The following MEGF11 variants were observed in gnomAD, a reference collection of about 807,000 sequenced individuals.
MEGF11 encodes the protein multiple epidermal growth factor-like domains protein 11.
Under a neutral mutation model 146.6 loss-of-function variants are expected in MEGF11, and 126 were observed. The ratio of observed to expected loss-of-function variants is 0.86; its 90% CI spans 0.74 to 1.00. The LOEUF (loss-of-function observed/expected upper bound fraction) is 1.00, where lower values mean the gene tolerates loss of function less well. MEGF11 is among the 50% of genes least tolerant of loss of function. The probability of loss-of-function intolerance (pLI) is 0.00; values close to 1 mark genes in which losing one functional copy is unlikely to be tolerated. For missense variants in MEGF11, 1,509 were observed against 1,521.2 expected, an observed-to-expected ratio of 0.99 and a Z score of 0.13; for synonymous variants, 532 against 583.4, an observed-to-expected ratio of 0.91 and a Z score of 1.27.
intron 4 of MEGF11, among the ~76,000 whole-genome samples, chr15:66,105,935 A>G (rs1287686093): frequency 6.6e-6 from 1 of 152,128 alleles, no homozygotes; most frequent in Non-Finnish European, 1.5e-5. Context: ...CAGATTTGGG[A>G]GTTTTCCTCT....
chr15:66,037,426 T>C (rs1203701678), intron 5 of MEGF11, among the ~76,000 whole-genome samples: 3 of 152,264 alleles, frequency 2.0e-5, no homozygotes, highest in Non-Finnish European at 4.4e-5. Context: ...TGACTTAATC[T>C]TTCTATGCCT....
At chr15:65,999,712 CAAG>C (rs2082302828) in intron 5 of MEGF11, among the ~76,000 whole-genome samples, 1 of 152,132 alleles carries the variant, frequency 6.6e-6, no homozygotes, top group African/African-American at 2.4e-5. Context: ...CAATGCCTGG[CAAG>C]AAGGAGGTGC....
chr15:66,016,686 G>A (rs945194175), intron 5 of MEGF11, among the ~76,000 whole-genome samples: 1 of 152,098 alleles, frequency 6.6e-6, no homozygotes. Context: ...ATTTGTAAAG[G>A]CCTTATAAGA....
At chr15:65,979,486 T>C (rs407596) in intron 7 of MEGF11, among the ~76,000 whole-genome samples, 148,417 of 152,340 alleles carry the variant, frequency 0.97, 72,428 homozygotes, top group Middle Eastern at 1. Flanking sequence ...CTTTCCTCTC[T>C]GGCTTTGCAA....
chr15:65,968,009 C>T (rs2081168301), intron 8 of MEGF11, among the ~76,000 whole-genome samples: 1 of 152,168 alleles, frequency 6.6e-6, no homozygotes, highest in Non-Finnish European at 1.5e-5. Flanking sequence ...TCCAAGCTCA[C>T]GCAGCCTGCA....
chr15:65,936,089 T>C (rs770066), intron 10 of MEGF11, among the ~76,000 whole-genome samples: 152,138 of 152,322 alleles, frequency 1, 75,977 homozygotes, highest in Middle Eastern at 1. Flanking sequence ...CTACATGGGT[T>C]GGCATTGATG....
At chr15:66,031,266 A>G (rs925408541) in intron 5 of MEGF11, among the ~76,000 whole-genome samples, 7 of 152,094 alleles carry the variant, frequency 4.6e-5, no homozygotes, top group African/African-American at 1.7e-4. Flanking sequence ...GTGTTCCTCG[A>G]TGTTGGGTAG....
chr15:66,056,100 C>T (rs540859506), intron 5 of MEGF11, among the ~76,000 whole-genome samples: 94 of 152,282 alleles, frequency 6.2e-4, no homozygotes, highest in Non-Finnish European at 1.2e-3. Flanking sequence ...CCTTCCCCAG[C>T]TACTATTGGG....
At chr15:66,111,923 A>T (rs1242038273) in intron 4 of MEGF11, among the ~76,000 whole-genome samples, 2 of 152,220 alleles carry the variant, frequency 1.3e-5, no homozygotes, top group Non-Finnish European at 2.9e-5. Context: ...CCTTTACCAA[A>T]CACAGCATAA....
intron 10 of MEGF11, among the ~76,000 whole-genome samples, chr15:65,940,134 C>T (rs1207813517): frequency 6.6e-6 from 1 of 152,192 alleles, no homozygotes; most frequent in Non-Finnish European, 1.5e-5. Context: ...GGGGCACAGG[C>T]TAGTCCCTCC....
At chr15:65,991,564 C>G (rs1262674456) in intron 5 of MEGF11, among the ~76,000 whole-genome samples, 1 of 152,206 alleles carries the variant, frequency 6.6e-6, no homozygotes, top group East Asian at 1.9e-4. Flanking sequence ...TAGTACCTCC[C>G]CGACACACAT....
intron 1 of MEGF11, among the ~76,000 whole-genome samples, chr15:66,229,649 C>T (rs2091924970): frequency 6.6e-6 from 1 of 152,156 alleles, no homozygotes; most frequent in African/African-American, 2.4e-5. Flanking sequence ...AGGCTGCATA[C>T]TCTGAATCTC....
intron 1 of MEGF11, among the ~76,000 whole-genome samples, chr15:66,213,209 T>G (rs1300595016): frequency 6.6e-6 from 1 of 151,828 alleles, no homozygotes; most frequent in Non-Finnish European, 1.5e-5. Flanking sequence ...ATAAATGAAA[T>G]CAGCCAACTA....
chr15:65,933,580 G>C (rs1047466462), intron 10 of MEGF11, among the ~76,000 whole-genome samples: 1 of 152,196 alleles, frequency 6.6e-6, no homozygotes, highest in Non-Finnish European at 1.5e-5. Flanking sequence ...TGGTCTTTGC[G>C]ACAGTCCTGG....
intron 5 of MEGF11, among the ~76,000 whole-genome samples, chr15:65,997,907 A>C (rs926410715): frequency 6.6e-6 from 1 of 152,304 alleles, no homozygotes. Flanking sequence ...TGAGAACCGA[A>C]GAATGAGAAG....
intron 16 of MEGF11, 133 bp from the exon 17 acceptor site, chr15:65,917,089 G>T: frequency 1.0e-6 from 1 of 975,408 alleles, no homozygotes; most frequent in Non-Finnish European, 1.5e-6. Context: ...GCTTTCAGGG[G>T]CTTCATGCAC....
intron 21 of MEGF11, among the ~76,000 whole-genome samples, chr15:65,911,562 C>T (rs925655170): frequency 1.3e-5 from 2 of 152,180 alleles, no homozygotes; most frequent in African/African-American, 4.8e-5. Flanking sequence ...CAGGCGTATG[C>T]CACCATGCCC....
chr15:66,158,055 G>A lies in MEGF11; in HGVS notation c.-8-29644C>T, dbSNP rs533989122. On this transcript the variant is annotated intron_variant, in intron 1 of 25. Transcript: ENST00000395614. ...TGAGACATAGCTTTTCCCATTTGTC[G>A]GATGAAATGTTCACTTGCGTGAATG... 5.0e-4 allele frequency among the ~76,000 whole-genome samples: 76 copies of A among 152,252 alleles called. 1 individual carries two copies. The East Asian group carries it at 0.012, about 24-fold the overall frequency.
chr15:65,943,155 A>G (rs1010771828), intron 10 of MEGF11, among the ~76,000 whole-genome samples: 3 of 151,778 alleles, frequency 2.0e-5, no homozygotes, highest in Admixed American at 1.3e-4. Flanking sequence ...CTAATTTACT[A>G]AAAGTAGAGA....
Sources: gnomAD v4.1 joint callset for allele counts (sites outside exome capture counted in the v4.1 genomes callset) on GRCh38, gnomAD v4.1.1 for gene constraint, MANE v1.5 for transcripts, NCBI Gene and HGNC (gene_info 2026-07-23, HGNC 2026-07-21) for gene names.